SPEM3: variants seen among roughly 807,000 people sequenced by gnomAD.
SPEM3 encodes uncharacterized protein SPEM3.
At position 7,430,137 on chromosome 17, in the gene SPEM3, C is replaced by T; in HGVS notation, c.966C>T (p.Ser322=). ...TPEYTHSQAH[S]PEHTSAHSPA... is the part of the protein sequence containing the mutation. ...AGTATACTCACTCCCAGGCCCACAG[C>T]CCTGAACACACCTCAGCCCACTCCC... is the stretch of plus-strand genomic sequence containing the variant. The change falls in exon 3 of 3, where the codon AGC becomes AGT. Residue 322 remains serine (S), a synonymous_variant. Coordinates refer to ENST00000636696, the MANE Select transcript of SPEM3 (RefSeq NM_001364708.1). 1 of 422,618 alleles carries T rather than the reference C, an allele frequency of 2.4e-6. No individual in the cohort carries two copies. The highest frequency in any genetic ancestry group is 4.2e-6 in the Non-Finnish European group (1 of 240,410). The allele number at this position is 422,618 out of a possible 1,614,324, so 26.2% of individuals were successfully genotyped here. A position where few individuals can be genotyped will look rare whatever the true frequency, so the allele number is the denominator to read the frequency against.
At position 7,430,023 on chromosome 17, in the gene SPEM3, C is replaced by A. The variant is rs983630140; in HGVS notation, c.852C>A (p.Thr284=). 2.1e-5 allele frequency: 9 copies of A among 422,832 alleles called. No individual in the cohort carries two copies. The highest frequency in any genetic ancestry group is 4.2e-6 in the Non-Finnish European group (1 of 240,898). 26.2% of individuals were successfully genotyped at this position (422,832 alleles called of 1,614,324 possible). ...AQTPAHIQAH[T]PAPTPAKASA... ...CGCCAGCCCACATCCAAGCTCACAC[C>A]CCAGCCCCTACACCGGCCAAGGCCT... is the stretch of plus-strand genomic sequence containing the variant. Residue 284 remains threonine, a synonymous_variant, in exon 3 of 3, where the codon ACC becomes ACA. Transcript: ENST00000636696.
chr17:7,429,169 C>A lies in SPEM3; in HGVS notation c.139-21C>A, dbSNP rs1597734583. Reference sequence around the variant, plus strand: ...GGGCTCACCCTGCTTCCGGACTCACCTGCCCTCCCACTCCCTTCAGCTCTG... The same window carrying A: ...GGGCTCACCCTGCTTCCGGACTCACATGCCCTCCCACTCCCTTCAGCTCTG... On this transcript the variant is annotated intron_variant, in intron 1 of 2. Coordinates refer to ENST00000636696, the MANE Select transcript of SPEM3 (RefSeq NM_001364708.1). The surrounding 1 kb of genome is among the most constrained non-coding windows in gnomAD (Gnocchi z 4.9). The A allele has an allele frequency of 2.5e-6, 1 of 398,448 alleles. No homozygotes were observed. The highest frequency in any genetic ancestry group is 4.4e-5 in the Admixed American group (1 of 22,718). The allele number at this position is 398,448 out of a possible 1,614,324, so 24.7% of individuals were successfully genotyped here.
Position 7,431,852 on chromosome 17 carries a change from C to A in SPEM3, c.2681C>A (p.Pro894Gln), listed in dbSNP as rs373283822. 3 of 398,492 alleles carry A rather than the reference C, an allele frequency of 7.5e-6. No individual in the cohort carries two copies. In the East Asian group the frequency reaches 1.1e-4, roughly 14 times the overall value. 24.7% of individuals were successfully genotyped at this position (398,492 alleles called of 1,614,324 possible). The stretch of plus-strand genomic sequence containing the variant: ...CAGGAATCTTTTCTCCACAAGAGCC[C>A]AGGCCTTGTCCAAACCTCTGGCCTC... The part of the protein sequence containing the change: ...VIQESFLHKS[P>Q]GLVQTSGLPK... Residue 894 changes from proline to glutamine, a missense_variant, in exon 3 of 3, where the codon CCA becomes CAA. Coordinates refer to ENST00000636696, the MANE Select transcript of SPEM3 (RefSeq NM_001364708.1).
rs189447431 is a variant in SPEM3 at position 7,432,001 on chromosome 17, G to A, written c.2830G>A (p.Ala944Thr). The A allele has an allele frequency of 1.0e-3, 405 of 398,584 alleles. 2 individuals are homozygous for A. The highest frequency in any genetic ancestry group is 7.2e-3 in the African/African-American group (351 of 48,724). The allele number at this position is 398,584 out of a possible 1,614,324, so 24.7% of individuals were successfully genotyped here. A position where few individuals can be genotyped will look rare whatever the true frequency, so the allele number is the denominator to read the frequency against. ...QDSNLPSLTQ[A>T]TKVERRFSLP... is the part of the protein sequence containing the mutation. ...TTCCAACCTCCCAAGCCTTACCCAA[G>A]CCACTAAAGTTGAAAGAAGATTTAG... The change falls in exon 3 of 3, where the codon GCC (alanine) becomes ACC (threonine). Residue 944 changes from alanine to threonine, a missense_variant. Physicochemically the swap from Ala to Thr is moderately conservative, Grantham distance 58. Transcript: ENST00000636696. The surrounding 1 kb of genome is among the most constrained non-coding windows in gnomAD (Gnocchi z 4.1).
At position 7,430,303 on chromosome 17, in the gene SPEM3, C is replaced by T. The variant is rs1907789915; in HGVS notation, c.1132C>T (p.Pro378Ser). Residue 378 changes from proline to serine, a missense_variant, in exon 3 of 3, where the codon CCT (proline) becomes TCT (serine). Transcript: ENST00000636696. Reference protein sequence around the residue: ...SVPVPTSAPAPPGTLAPATTP... With the variant: ...SVPVPTSAPASPGTLAPATTP... ...TCCTGTCCCAACCTCTGCCCCAGCT[C>T]CTCCCGGAACTCTTGCCCCAGCCAC... The T allele has an allele frequency of 2.4e-6, 1 of 412,558 alleles. No individual in the cohort carries two copies. Among genetic ancestry groups the T allele is most frequent in the Admixed American group, 4.4e-5 (1 of 22,832 alleles). The allele number at this position is 412,558 out of a possible 1,614,324, so 25.6% of individuals were successfully genotyped here.
Position 7,429,227 on chromosome 17 carries a change from T to A in SPEM3, c.176T>A (p.Phe59Tyr). 2.5e-6 allele frequency: 1 copy of A among 398,584 alleles called. No individual in the cohort carries two copies. The highest frequency in any genetic ancestry group is 3.6e-5 in the East Asian group (1 of 28,064). The allele number at this position is 398,584 out of a possible 1,614,324, so 24.7% of individuals were successfully genotyped here. ...CTGAAGAGCTCCTTGCGGATTCTTT[T>A]CCGTCATTTTTTCCCCAAAGGTGAG... ...KHLKSSLRIL[F>Y]RHFFPKDKQP... The change falls in exon 2 of 3, where the codon TTC becomes TAC. Residue 59 changes from phenylalanine (F) to tyrosine (Y), a missense_variant. Coordinates refer to ENST00000636696, the MANE Select transcript of SPEM3 (RefSeq NM_001364708.1). This position sits in a 1 kb window ranked among gnomAD's most constrained non-coding sequence, Gnocchi z 4.9.
Position 7,430,209 on chromosome 17 carries a change from C to A in SPEM3, c.1038C>A (p.Ala346=), listed in dbSNP as rs562114067. 1.7e-4 allele frequency: 72 copies of A among 413,714 alleles called. No individual in the cohort carries two copies. The highest frequency in any genetic ancestry group is 2.7e-4 in the Non-Finnish European group (64 of 235,072). The allele number at this position is 413,714 out of a possible 1,614,324, so 25.6% of individuals were successfully genotyped here. ...TCCCAGCCCACCCCCAGGCCCATGC[C>A]CCTGAGTACACCTCAGCCCATGCCC... is the stretch of plus-strand genomic sequence containing the variant. The part of the protein sequence containing the change: ...MPVPAHPQAH[A]PEYTSAHAPA... The change falls in exon 3 of 3, where the codon GCC becomes GCA. Residue 346 remains alanine (A), a synonymous_variant. Transcript: ENST00000636696.
rs1169003385 is a variant in SPEM3, at chr17:7,429,593, G to C, written c.422G>C (p.Arg141Pro). The change falls in exon 3 of 3, where the codon CGG (arginine) becomes CCG (proline). Residue 141 changes from arginine (R) to proline (P), a missense_variant. Coordinates refer to ENST00000636696, the MANE Select transcript of SPEM3 (RefSeq NM_001364708.1). This position sits in a 1 kb window ranked among gnomAD's most constrained non-coding sequence, Gnocchi z 4.9. ...GHAGVPRESA[R>P]GLYKAGMMGG... ...GCCGGCGTTCCCAGGGAGTCTGCAC[G>C]GGGACTGTACAAGGCGGGGATGATG... 2.5e-6 allele frequency: 1 copy of C among 398,704 alleles called. No individual in the cohort carries two copies. 24.7% of individuals were successfully genotyped at this position (398,704 alleles called of 1,614,324 possible).
At position 7,431,900 on chromosome 17, in the gene SPEM3, A is replaced by G; in HGVS notation, c.2729A>G (p.Gln910Arg). The G allele has an allele frequency of 2.5e-6, 1 of 398,564 alleles. No individual in the cohort carries two copies. Among genetic ancestry groups the G allele is most frequent in the Non-Finnish European group, 4.4e-6 (1 of 226,048 alleles). The allele number at this position is 398,564 out of a possible 1,614,324, so 24.7% of individuals were successfully genotyped here. A position where few individuals can be genotyped will look rare whatever the true frequency, so the allele number is the denominator to read the frequency against. Residue 910 changes from glutamine to arginine, a missense_variant, in exon 3 of 3, where the codon CAA (glutamine) becomes CGA (arginine). Physicochemically the swap from Gln to Arg is conservative, Grantham distance 43. Transcript: ENST00000636696. ...CTCCCAAAGTGCTCAGGCCTTACCCAAAACTCAGGAGACTACAAGAATCCA... is the reference window on the plus strand; with the variant it reads ...CTCCCAAAGTGCTCAGGCCTTACCCGAAACTCAGGAGACTACAAGAATCCA... ...SGLPKCSGLT[Q>R]NSGDYKNPGL...
rs1907818970 is a variant in SPEM3, at chr17:7,431,147, G to A, written c.1976G>A (p.Cys659Tyr). The A allele has an allele frequency of 7.5e-6, 3 of 398,276 alleles. No individual in the cohort carries two copies. The highest frequency in any genetic ancestry group is 1.3e-5 in the Non-Finnish European group (3 of 226,094). The allele number at this position is 398,276 out of a possible 1,614,324, so 24.7% of individuals were successfully genotyped here. Reference sequence around the variant, plus strand: ...TCCCAACCCCTGATCCAACCCCAATGCCCTGAATGTCATGAGAGTCTAGGC... The same window carrying A: ...TCCCAACCCCTGATCCAACCCCAATACCCTGAATGTCATGAGAGTCTAGGC... ...TISQPLIQPQCPECHESLGLT... is the reference protein window; with the variant it reads ...TISQPLIQPQYPECHESLGLT... The change falls in exon 3 of 3, where the codon TGC becomes TAC. Residue 659 changes from cysteine to tyrosine, a missense_variant. Cys to Tyr is a radical substitution (Grantham distance 194). Transcript: ENST00000636696.
chr17:7,430,037 C>T lies in SPEM3; in HGVS notation c.866C>T (p.Pro289Leu), dbSNP rs187091773. The T allele has an allele frequency of 1.9e-5, 8 of 416,082 alleles. No individual in the cohort carries two copies. Among genetic ancestry groups the T allele is most frequent in the East Asian group, 3.5e-5 (1 of 28,176 alleles). The allele number at this position is 416,082 out of a possible 1,614,324, so 25.8% of individuals were successfully genotyped here. ...CAAGCTCACACCCCAGCCCCTACAC[C>T]GGCCAAGGCCTCAGCTCACACTAAA... The part of the protein sequence containing the change: ...HIQAHTPAPT[P>L]AKASAHTKAH... Residue 289 changes from proline to leucine, a missense_variant, in exon 3 of 3, where the codon CCG becomes CTG. Coordinates refer to ENST00000636696, the MANE Select transcript of SPEM3 (RefSeq NM_001364708.1).
In SPEM3 at chr17:7,432,733, C is replaced by T. The variant is rs1424489011; in HGVS notation, c.3562C>T (p.Pro1188Ser). 2.5e-6 allele frequency: 1 copy of T among 398,636 alleles called. No homozygotes were observed. Among genetic ancestry groups the T allele is most frequent in the Non-Finnish European group, 4.4e-6 (1 of 226,098 alleles). 24.7% of individuals were successfully genotyped at this position (398,636 alleles called of 1,614,324 possible). A position where few individuals can be genotyped will look rare whatever the true frequency, so the allele number is the denominator to read the frequency against. ...HQEAPSNSGK[P>S]SRSGDIRM ...AGAGGCACCCAGCAACTCGGGGAAACCATCAAGGAGTGGGGATATCAGAAT... is the reference window on the plus strand; with the variant it reads ...AGAGGCACCCAGCAACTCGGGGAAATCATCAAGGAGTGGGGATATCAGAAT... The change falls in exon 3 of 3, where the codon CCA (proline) becomes TCA (serine). Residue 1188 changes from proline to serine, a missense_variant. Coordinates refer to ENST00000636696, the MANE Select transcript of SPEM3 (RefSeq NM_001364708.1). This position sits in a 1 kb window ranked among gnomAD's most constrained non-coding sequence, Gnocchi z 4.1.
rs901831874 is a variant in SPEM3, at chr17:7,429,458, C to T, written c.287C>T (p.Pro96Leu). 3.8e-5 allele frequency: 15 copies of T among 398,520 alleles called. No individual in the cohort carries two copies. The highest frequency in any genetic ancestry group is 4.0e-5 in the Non-Finnish European group (9 of 226,082). The allele number at this position is 398,520 out of a possible 1,614,324, so 24.7% of individuals were successfully genotyped here. The change falls in exon 3 of 3, where the codon CCT becomes CTT. Residue 96 changes from proline to leucine, a missense_variant. Pro to Leu is a moderately conservative substitution (Grantham distance 98). Transcript: ENST00000636696. The surrounding 1 kb of genome is among the most constrained non-coding windows in gnomAD (Gnocchi z 4.9). The part of the protein sequence containing the change: ...LCSKVSSRVH[P>L]RPGFLLRRVN... ...TCAAAAGTCTCTTCCCGCGTCCATCCTCGCCCAGGCTTCCTGCTCAGGCGC... is the reference window on the plus strand; with the variant it reads ...TCAAAAGTCTCTTCCCGCGTCCATCTTCGCCCAGGCTTCCTGCTCAGGCGC...
In SPEM3 at chr17:7,432,766, G is replaced by C; in HGVS notation, c.*4G>C. 2.5e-6 allele frequency: 1 copy of C among 398,646 alleles called. No homozygotes were observed. Among genetic ancestry groups the C allele is most frequent in the Non-Finnish European group, 4.4e-6 (1 of 226,112 alleles). 24.7% of individuals were successfully genotyped at this position (398,646 alleles called of 1,614,324 possible). ...GAGTGGGGATATCAGAATGTGATGA[G>C]AACCTTGGACAAAGAGGGGACAAAA... On this transcript the variant is annotated 3_prime_UTR_variant, in exon 3 of 3. Coordinates refer to ENST00000636696, the MANE Select transcript of SPEM3 (RefSeq NM_001364708.1). The surrounding 1 kb of genome is among the most constrained non-coding windows in gnomAD (Gnocchi z 4.1).
At position 7,429,962 on chromosome 17, in the gene SPEM3, C is replaced by T. The variant is rs992922631; in HGVS notation, c.791C>T (p.Ala264Val). Residue 264 changes from alanine (A) to valine (V), a missense_variant, in exon 3 of 3, where the codon GCC becomes GTC. Ala to Val is a moderately conservative substitution (Grantham distance 64). Coordinates refer to ENST00000636696, the MANE Select transcript of SPEM3 (RefSeq NM_001364708.1). The surrounding 1 kb of genome is among the most constrained non-coding windows in gnomAD (Gnocchi z 4.9). ...CAGGCCCAGGACACCTCAGCCCAGG[C>T]CCAAGCCCACACCTCAGCCCCTACC... is the stretch of plus-strand genomic sequence containing the variant. ...HSQAQDTSAQAQAHTSAPTPA... is the reference protein window; with the variant it reads ...HSQAQDTSAQVQAHTSAPTPA... 7.3e-5 allele frequency: 31 copies of T among 424,072 alleles called. No homozygotes were observed. The highest frequency in any genetic ancestry group is 1.2e-4 in the Non-Finnish European group (30 of 242,106). The allele number at this position is 424,072 out of a possible 1,614,324, so 26.3% of individuals were successfully genotyped here. A position where few individuals can be genotyped will look rare whatever the true frequency, so the allele number is the denominator to read the frequency against.
chr17:7,429,511 G>C lies in SPEM3; in HGVS notation c.340G>C (p.Asp114His). The C allele has an allele frequency of 2.5e-6, 1 of 398,672 alleles. No homozygotes were observed. The allele number at this position is 398,672 out of a possible 1,614,324, so 24.7% of individuals were successfully genotyped here. Residue 114 changes from aspartate to histidine, a missense_variant, in exon 3 of 3, where the codon GAC (aspartate) becomes CAC (histidine). By Grantham distance (81) the Asp-to-His change is moderately conservative (BLOSUM62 -1). Transcript: ENST00000636696. This position sits in a 1 kb window ranked among gnomAD's most constrained non-coding sequence, Gnocchi z 4.9. ...TAACCACCTTGACTCCTGGATACCAGACACGAACGATGAGAAGGTTTCTGC... is the reference window on the plus strand; with the variant it reads ...TAACCACCTTGACTCCTGGATACCACACACGAACGATGAGAAGGTTTCTGC... ...RVNHLDSWIP[D>H]TNDEKVSACC...
Position 7,429,696 on chromosome 17 carries a change from G to T in SPEM3, c.525G>T (p.Gln175His). The T allele has an allele frequency of 2.5e-6, 1 of 399,002 alleles. No individual in the cohort carries two copies. The allele number at this position is 399,002 out of a possible 1,614,324, so 24.7% of individuals were successfully genotyped here. A position where few individuals can be genotyped will look rare whatever the true frequency, so the allele number is the denominator to read the frequency against. ...TCTCCAGGCCAGAGACATCTTCCCAGTTCCCAAAGATGAGCAAGTTGGACA... is the reference window on the plus strand; with the variant it reads ...TCTCCAGGCCAGAGACATCTTCCCATTTCCCAAAGATGAGCAAGTTGGACA... ...SLLSRPETSSQFPKMSKLDTG... is the reference protein window; with the variant it reads ...SLLSRPETSSHFPKMSKLDTG... The change falls in exon 3 of 3, where the codon CAG becomes CAT. Residue 175 changes from glutamine (Q) to histidine (H), a missense_variant. Coordinates refer to ENST00000636696, the MANE Select transcript of SPEM3 (RefSeq NM_001364708.1). The surrounding 1 kb of genome is among the most constrained non-coding windows in gnomAD (Gnocchi z 4.9).
chr17:7,429,412 G>A lies in SPEM3; in HGVS notation c.241G>A (p.Val81Met), dbSNP rs548302135. ...GSHPICICSS[V>M]DPKNLCSKVS... ...CCATCCCATATGTATTTGCTCCTCC[G>A]TGGATCCCAAGAACCTGTGCTCAAA... The change falls in exon 3 of 3, where the codon GTG becomes ATG. Residue 81 changes from valine to methionine, a missense_variant. Physicochemically the swap from Val to Met is conservative, Grantham distance 21. Coordinates refer to ENST00000636696, the MANE Select transcript of SPEM3 (RefSeq NM_001364708.1). This position sits in a 1 kb window ranked among gnomAD's most constrained non-coding sequence, Gnocchi z 4.9. The A allele has an allele frequency of 1.2e-4, 47 of 398,542 alleles. No individual in the cohort carries two copies. The highest frequency in any genetic ancestry group is 1.2e-4 in the African/African-American group (6 of 48,680). The allele number at this position is 398,542 out of a possible 1,614,324, so 24.7% of individuals were successfully genotyped here.
rs992437168 is a variant in SPEM3 at position 7,429,263 on chromosome 17, T to C, written c.196+16T>C. The C allele has an allele frequency of 1.5e-5, 6 of 398,448 alleles. No homozygotes were observed. Among genetic ancestry groups the C allele is most frequent in the African/African-American group, 4.1e-5 (2 of 48,592 alleles). The allele number at this position is 398,448 out of a possible 1,614,324, so 24.7% of individuals were successfully genotyped here. On this transcript the variant is annotated intron_variant, in intron 2 of 2. Coordinates refer to ENST00000636696, the MANE Select transcript of SPEM3 (RefSeq NM_001364708.1). This position sits in a 1 kb window ranked among gnomAD's most constrained non-coding sequence, Gnocchi z 4.9. ...TTCCCCAAAGGTGAGTGGGCCCCTG[T>C]ATGGGCTCCCAGGGATATGGGCCTG...
Sources: allele counts gnomAD v4.1 joint callset, GRCh38; gene constraint gnomAD v4.1.1; non-coding constraint Gnocchi (gnomAD v3.1); transcripts MANE v1.5; gene names NCBI Gene and HGNC (gene_info 2026-07-23, HGNC 2026-07-21).